SSBP2: variants seen among roughly 807,000 people sequenced by gnomAD.
The protein encoded by SSBP2 is single-stranded DNA-binding protein 2.
SSBP2 carries 17 observed loss-of-function variants against 61.8 expected under a neutral mutation model. That is an observed-to-expected ratio of 0.28 (90% CI 0.19 to 0.41). The LOEUF (loss-of-function observed/expected upper bound fraction) is 0.41. Ranked by LOEUF, SSBP2 falls within the 10% of genes least tolerant of loss-of-function variation. The pLI, the probability that SSBP2 is intolerant of heterozygous loss-of-function variation, is 1.00. For missense variants in SSBP2, 310 were observed against 458.7 expected (o/e 0.68, Z 2.96); for synonymous variants, 139 against 141.3 (o/e 0.98, Z 0.12).
chr5:81,591,125 G>A (rs1196073560), intron 4 of SSBP2, among the ~76,000 whole-genome samples: 1 of 152,164 alleles, frequency 6.6e-6, no homozygotes, highest in Non-Finnish European at 1.5e-5. Context: ...CGGAGTTGAA[G>A]GCAGACCACA....
intron 5 of SSBP2, among the ~76,000 whole-genome samples, chr5:81,500,651 G>A (rs1580847590): frequency 6.6e-6 from 1 of 152,094 alleles, no homozygotes; most frequent in East Asian, 1.9e-4. Flanking sequence ...AGTAGAGACG[G>A]GATTTCACCA....
intron 4 of SSBP2, among the ~76,000 whole-genome samples, chr5:81,562,516 C>G (rs183243501): frequency 6.6e-6 from 1 of 151,944 alleles, no homozygotes; most frequent in Non-Finnish European, 1.5e-5. Flanking sequence ...TAAGAACAAT[C>G]GATACAATGT....
At chr5:81,750,475 A>G (rs1339087421) in intron 1 of SSBP2, among the ~76,000 whole-genome samples, 1 of 141,196 alleles carries the variant, frequency 7.1e-6, no homozygotes, top group African/African-American at 2.6e-5. Context: ...CGCGGCCCTA[A>G]GCCCCAGCGC....
At chr5:81,471,899 A>G (rs1003074164) in intron 8 of SSBP2, among the ~76,000 whole-genome samples, 1 of 152,012 alleles carries the variant, frequency 6.6e-6, no homozygotes, top group Non-Finnish European at 1.5e-5. Context: ...TATAGTCAAT[A>G]TACATAGTTA....
intron 4 of SSBP2, among the ~76,000 whole-genome samples, chr5:81,519,604 T>C (rs1274381351): frequency 1.3e-5 from 2 of 152,118 alleles, no homozygotes; most frequent in African/African-American, 4.8e-5. Context: ...TGCTCCCTCC[T>C]TTCTTTCTCC....
At position 81,413,983 on chromosome 5, in the gene SSBP2, A is replaced by G. The variant is rs1761220606; in HGVS notation, c.*6521T>C. 1 of 152,164 alleles carries G rather than the reference A, an allele frequency of 6.6e-6. No individual in the cohort carries two copies. Among genetic ancestry groups the G allele is most frequent in the Admixed American group, 6.5e-5 (1 of 15,268 alleles). 9.4% of individuals were successfully genotyped at this position (152,164 alleles called of 1,614,324 possible). On this transcript the variant is annotated 3_prime_UTR_variant, in exon 17 of 17. Transcript: ENST00000320672. The stretch of plus-strand genomic sequence containing the variant: ...TGTACTGAGGCCATTTGGTGGAAAA[A>G]AGAAAGTGGGATTAAGTGTTAATAT...
At chr5:81,705,742 T>G (rs1754332120) in intron 1 of SSBP2, among the ~76,000 whole-genome samples, 1 of 152,194 alleles carries the variant, frequency 6.6e-6, no homozygotes, top group Admixed American at 6.5e-5. Context: ...CTATGAATAC[T>G]GGTATTAAGT....
intron 3 of SSBP2, among the ~76,000 whole-genome samples, chr5:81,628,641 G>A (rs919500548): frequency 1.3e-5 from 2 of 152,158 alleles, no homozygotes; most frequent in East Asian, 3.9e-4. Flanking sequence ...CAAGAAGCAA[G>A]TTTTCAGAGG....
At chr5:81,600,364 C>T (rs2153555874) in intron 4 of SSBP2, among the ~76,000 whole-genome samples, 1 of 151,916 alleles carries the variant, frequency 6.6e-6, no homozygotes, top group Non-Finnish European at 1.5e-5. Context: ...AGTTCGAGAC[C>T]AGCCTGGCCA....
At chr5:81,523,870 GAA>G (rs1257871311) in intron 4 of SSBP2, among the ~76,000 whole-genome samples, 3 of 151,922 alleles carry the variant, frequency 2.0e-5, no homozygotes, top group Non-Finnish European at 4.4e-5. Flanking sequence ...AGTTTAAAGA[GAA>G]ACACAAGGAA....
At chr5:81,495,602 C>T (rs186433756) in intron 5 of SSBP2, among the ~76,000 whole-genome samples, 7 of 152,164 alleles carry the variant, frequency 4.6e-5, no homozygotes, top group African/African-American at 7.2e-5. Flanking sequence ...TAACATACTC[C>T]GATATGAAGG....
chr5:81,614,564 T>C (rs541958593), intron 4 of SSBP2, among the ~76,000 whole-genome samples: 1 of 152,266 alleles, frequency 6.6e-6, no homozygotes, highest in Admixed American at 6.5e-5. Flanking sequence ...GTTCTGGTTT[T>C]TAAGGCATTT....
intron 5 of SSBP2, among the ~76,000 whole-genome samples, chr5:81,501,656 G>A (rs759376189): frequency 2.6e-4 from 39 of 148,282 alleles, no homozygotes; most frequent in Admixed American, 4.8e-4. Flanking sequence ...TCCGCCTCTC[G>A]GGTTCACGCC....
At chr5:81,501,268 T>TACACATAC (rs1767730426) in intron 5 of SSBP2, among the ~76,000 whole-genome samples, 2 of 35,772 alleles carry the variant, frequency 5.6e-5, no homozygotes, top group South Asian at 1.6e-3. Flanking sequence ...TATATATATA[T>TACACATAC]ACACACACAC....
At chr5:81,608,587 T>C (rs900407111) in intron 4 of SSBP2, among the ~76,000 whole-genome samples, 1 of 152,350 alleles carries the variant, frequency 6.6e-6, no homozygotes, top group East Asian at 1.9e-4. Context: ...CTTTAAACAA[T>C]GACATGTCCT....
chr5:81,650,021 C>A (rs1249809307), intron 2 of SSBP2, among the ~76,000 whole-genome samples: 3 of 151,982 alleles, frequency 2.0e-5, no homozygotes, highest in African/African-American at 7.2e-5. Context: ...TGTTGCCATG[C>A]TAATATTACT....
rs181977956 is a variant in SSBP2 at position 81,739,056 on chromosome 5, T to C, written c.62+11925A>G. Among the ~76,000 whole-genome samples, 7 of 147,618 alleles carry C rather than the reference T, an allele frequency of 4.7e-5. No individual in the cohort carries two copies. The East Asian group carries it at 1.4e-3, about 30-fold the overall frequency. On this transcript the variant is annotated intron_variant, in intron 1 of 16. Coordinates refer to ENST00000320672, the MANE Select transcript of SSBP2 (RefSeq NM_012446.5). ...GGTGCACGCCTGTAGTCCCAGCTAC[T>C]TGGGAGGCTGAAGCAGGACAATCGC...
intron 9 of SSBP2, 116 bp downstream of exon 9, chr5:81,466,858 C>T (rs1466735723): frequency 1.1e-5 from 6 of 558,942 alleles, no homozygotes; most frequent in East Asian, 6.4e-5. Flanking sequence ...TACAAATTAA[C>T]GTCATTTTAG....
chr5:81,715,353 A>C (rs1390987551), intron 1 of SSBP2, among the ~76,000 whole-genome samples: 1 of 152,218 alleles, frequency 6.6e-6, no homozygotes, highest in South Asian at 2.1e-4. Flanking sequence ...GAAATTCTTA[A>C]GATGATGAGG....
Sources: allele counts gnomAD v4.1 joint callset (sites outside exome capture counted in the v4.1 genomes callset), GRCh38; gene constraint gnomAD v4.1.1; transcripts MANE v1.5; gene names NCBI Gene and HGNC (gene_info 2026-07-23, HGNC 2026-07-21).